CFAP92: variants seen among roughly 807,000 people sequenced by gnomAD.
CFAP92 encodes the protein cilia and flagella associated protein 92 (putative).
Under a neutral mutation model 106.3 loss-of-function variants are expected in CFAP92, and 86 were observed. The ratio of observed to expected loss-of-function variants is 0.81; its 90% confidence interval spans 0.68 to 0.97. CFAP92 has a LOEUF of 0.97. Among genes scored for constraint, CFAP92 ranks in the 50% least tolerant of loss-of-function variants. The probability of loss-of-function intolerance (pLI) is 0.00; values close to 1 mark genes in which losing one functional copy is unlikely to be tolerated. For missense variants in CFAP92, 1,204 were observed against 1,283.8 expected (o/e 0.94, Z 0.95); for synonymous variants, 477 against 506.4 (o/e 0.94, Z 0.78).
At chr3:128,943,983 T>G (rs1576463550) in intron 10 of CFAP92, among the ~76,000 whole-genome samples, 1 of 144,268 alleles carries the variant, frequency 6.9e-6, no homozygotes, top group Admixed American at 7.0e-5. Context: ...AGGCTGGAAT[T>G]CAGTGGCGTG....
At position 128,910,686 on chromosome 3, in the gene CFAP92, C is replaced by G. The variant is rs909857752; in HGVS notation, c.3281-353G>C. 2.5e-6 allele frequency: 4 copies of G among 1,601,086 alleles called. No homozygotes were observed. In the East Asian group the frequency reaches 8.9e-5, roughly 36 times the overall value. On this transcript the variant is annotated intron_variant, in intron 15 of 15. Transcript: ENST00000645291. ...GCTGATAGGCTGGGTTTTTGAAGCT[C>G]AGAGGTCTGATTCCAGGAATTTGGG...
At chr3:129,003,760 C>G, upstream of CFAP92, 1 of 1,368,806 alleles carries the variant, frequency 7.3e-7, no homozygotes, top group South Asian at 1.6e-5. Context: ...GGCTGGGGCA[C>G]TTACCCCCTG....
the CFAP92 span, among the ~76,000 whole-genome samples, chr3:129,012,871 G>A: frequency 3.3e-5 from 5 of 152,218 alleles, no homozygotes; most frequent in African/African-American, 4.8e-5. Context: ...GTGGAAGAGC[G>A]GGCATTGGGC....
At chr3:128,983,482 C>A (rs916115114) in intron 4 of CFAP92, among the ~76,000 whole-genome samples, 1 of 152,102 alleles carries the variant, frequency 6.6e-6, no homozygotes, top group African/African-American at 2.4e-5. Context: ...AGTGCCTTGT[C>A]CCCAGCCAGA....
chr3:128,987,476 TG>T, intron 4 of CFAP92, 139 bp downstream of exon 4: 1 of 692,024 alleles, frequency 1.4e-6, no homozygotes, highest in Non-Finnish European at 2.5e-6. Context: ...CATGGCCTGG[TG>T]GGATGCCCTG....
chr3:128,918,728 A>C (rs1348816305), intron 12 of CFAP92, among the ~76,000 whole-genome samples: 1 of 152,182 alleles, frequency 6.6e-6, no homozygotes, highest in African/African-American at 2.4e-5. Flanking sequence ...TAGTTTTATG[A>C]GTTTAATGTT....
upstream of CFAP92, among the ~76,000 whole-genome samples, chr3:128,995,248 C>T (rs1450512023): frequency 6.6e-6 from 1 of 152,236 alleles, no homozygotes; most frequent in Non-Finnish European, 1.5e-5. Context: ...CCTCCCCAGA[C>T]CGCTCTCAGG....
intron 12 of CFAP92, among the ~76,000 whole-genome samples, chr3:128,928,903 C>A (rs1436727779): frequency 6.6e-6 from 1 of 152,052 alleles, no homozygotes; most frequent in African/African-American, 2.4e-5. Context: ...TCATTAAGTA[C>A]TTGTATCCAG....
In CFAP92 at chr3:128,993,068, G is replaced by A. The variant is rs1403245390; in HGVS notation, c.237C>T (p.Ile79=). ...VPHVVPCKFT[I]SLAFPVNMGQ... ...CCATATTCACAGGGAAGGCCAGTGA[G>A]ATGGTGAATTTGCAGGGGACCACGT... Residue 79 remains isoleucine (I), a synonymous_variant, in exon 2 of 16, where the codon ATC becomes ATT. Transcript: ENST00000645291. 1 of 1,614,102 alleles carries A rather than the reference G, an allele frequency of 6.2e-7. No individual in the cohort carries two copies. Among genetic ancestry groups the A allele is most frequent in the East Asian group, 2.2e-5 (1 of 44,892 alleles).
At chr3:128,957,330 T>C (rs1212936178) in intron 9 of CFAP92, among the ~76,000 whole-genome samples, 1 of 151,962 alleles carries the variant, frequency 6.6e-6, no homozygotes, top group Non-Finnish European at 1.5e-5. Flanking sequence ...TATCAATCTA[T>C]GTAGAGGAAA....
chr3:128,911,382 A>AT (rs1337874567), intron 15 of CFAP92, among the ~76,000 whole-genome samples: 1 of 151,926 alleles, frequency 6.6e-6, no homozygotes, highest in Non-Finnish European at 1.5e-5. Flanking sequence ...TAGATTGAGC[A>AT]AGTGCAGAGC....
At chr3:129,003,343 C>A, upstream of CFAP92, 1 of 939,822 alleles carries the variant, frequency 1.1e-6, no homozygotes, top group Non-Finnish European at 1.3e-6. Context: ...TGGGAACACA[C>A]CAGTAAAGAC....
At chr3:129,022,178 T>G in the CFAP92 span, among the ~76,000 whole-genome samples, 1 of 152,190 alleles carries the variant, frequency 6.6e-6, no homozygotes, top group African/African-American at 2.4e-5. Context: ...GGGCAGGAGC[T>G]CCACAAAGTT....
chr3:128,958,286 T>C lies in CFAP92; in HGVS notation c.1353+7225A>G, dbSNP rs574016141. Reference sequence around the variant, plus strand: ...ATAGCAAATTAGTGGTTAGGGATGGTGGGTGTTAGGGGTTGTTGTGACTAT... The same window carrying C: ...ATAGCAAATTAGTGGTTAGGGATGGCGGGTGTTAGGGGTTGTTGTGACTAT... On this transcript the variant is annotated intron_variant, in intron 9 of 15. Coordinates refer to ENST00000645291, the MANE Select transcript of CFAP92 (RefSeq NM_001394090.1). Among the ~76,000 whole-genome samples, 12 of 152,310 alleles carry C rather than the reference T, an allele frequency of 7.9e-5. No individual in the cohort carries two copies. The East Asian group carries it at 2.1e-3, about 27-fold the overall frequency.
chr3:128,912,617 C>G (rs766491768), intron 15 of CFAP92: 9 of 1,611,022 alleles, frequency 5.6e-6, no homozygotes, highest in Non-Finnish European at 7.6e-6. Context: ...AGGCAGGGGA[C>G]AGTGTCCCCT....
intron 9 of CFAP92, among the ~76,000 whole-genome samples, chr3:128,961,016 T>C (rs1299153142): frequency 1.1e-4 from 17 of 151,830 alleles, no homozygotes; most frequent in Non-Finnish European, 5.9e-5. Flanking sequence ...TCCTCCTCCT[T>C]CTCCCTTAGC....
At chr3:128,968,152 G>A (rs1461176368) in intron 8 of CFAP92, 2 of 152,296 alleles carry the variant, frequency 1.3e-5, no homozygotes, top group East Asian at 1.9e-4. Flanking sequence ...GGGAAATGAG[G>A]CCCAGAGTTC....
chr3:129,024,133 C>T, the CFAP92 span, among the ~76,000 whole-genome samples: 1 of 152,166 alleles, frequency 6.6e-6, no homozygotes. Context: ...GAGAGAAACA[C>T]CATAACACAC....
intron 10 of CFAP92, among the ~76,000 whole-genome samples, chr3:128,937,685 C>T (rs1939189943): frequency 6.6e-6 from 1 of 152,014 alleles, no homozygotes; most frequent in Admixed American, 6.6e-5. Flanking sequence ...TGTCAATCAA[C>T]AGTAGTTATA....
Sources: gnomAD v4.1 joint callset for allele counts (sites outside exome capture counted in the v4.1 genomes callset) on GRCh38, gnomAD v4.1.1 for gene constraint, MANE v1.5 for transcripts, NCBI Gene and HGNC (gene_info 2026-07-23, HGNC 2026-07-21) for gene names.